The following PCDH9 variants were observed in gnomAD, a reference collection of about 807,000 sequenced individuals.
The protein encoded by PCDH9 is protocadherin-9.
In PCDH9, 24 loss-of-function variants were observed where a neutral mutation model predicts 70.6. That is an observed-to-expected ratio of 0.34 (90% CI 0.25 to 0.48). The LOEUF is 0.48. PCDH9 is among the 20% of genes least tolerant of loss of function. The probability of loss-of-function intolerance (pLI) is 0.99; values close to 1 mark genes in which losing one functional copy is unlikely to be tolerated. For synonymous variants in PCDH9, 562 were observed against 558.5 expected, an observed-to-expected ratio of 1.01 and a Z score of -0.09; for missense variants, 1,281 against 1,503.6, an observed-to-expected ratio of 0.85 and a Z score of 2.45.
chr13:66,366,373 T>C (rs891930349), intron 4 of PCDH9, among the ~76,000 whole-genome samples: 5 of 152,060 alleles, frequency 3.3e-5, no homozygotes, highest in Admixed American at 2.6e-4. Context: ...GTTCCTAAAA[T>C]TTATTGAGTA....
chr13:66,421,063 C>CAGA (rs1229396032), intron 4 of PCDH9, among the ~76,000 whole-genome samples: 1 of 150,340 alleles, frequency 6.7e-6, no homozygotes, highest in African/African-American at 2.5e-5. Context: ...ATCTATCAAG[C>CAGA]AGAAGAAAGA....
At chr13:67,085,935 A>C (rs2086098670) in intron 2 of PCDH9, among the ~76,000 whole-genome samples, 1 of 152,182 alleles carries the variant, frequency 6.6e-6, no homozygotes, top group Non-Finnish European at 1.5e-5. Flanking sequence ...TGAAAAACAA[A>C]AATTATTGAT....
At chr13:67,193,697 A>T (rs2088982438) in intron 2 of PCDH9, among the ~76,000 whole-genome samples, 1 of 152,064 alleles carries the variant, frequency 6.6e-6, no homozygotes, top group Admixed American at 6.6e-5. Flanking sequence ...GGAAGAGGGG[A>T]TCTTTACTTA....
chr13:67,082,466 A>G (rs2086005430), intron 2 of PCDH9, among the ~76,000 whole-genome samples: 1 of 152,198 alleles, frequency 6.6e-6, no homozygotes, highest in East Asian at 1.9e-4. Flanking sequence ...TGTAAGTGGC[A>G]CATTTCTTTA....
chr13:66,512,052 T>C (rs1271581503), intron 4 of PCDH9, among the ~76,000 whole-genome samples: 1 of 152,146 alleles, frequency 6.6e-6, no homozygotes, highest in East Asian at 1.9e-4. Context: ...ATGAAGTTAA[T>C]GAAGCTTAAC....
intron 2 of PCDH9, among the ~76,000 whole-genome samples, chr13:66,934,052 C>T (rs2082862906): frequency 6.6e-6 from 1 of 152,140 alleles, no homozygotes; most frequent in African/African-American, 2.4e-5. Flanking sequence ...CAAATACACT[C>T]ATCACACCTA....
At chr13:66,999,980 G>A (rs1214434839) in intron 2 of PCDH9, among the ~76,000 whole-genome samples, 1 of 152,088 alleles carries the variant, frequency 6.6e-6, no homozygotes, top group Non-Finnish European at 1.5e-5. Flanking sequence ...TCCCATTACT[G>A]GGTATATACC....
intron 2 of PCDH9, among the ~76,000 whole-genome samples, chr13:66,950,141 T>C (rs2083154965): frequency 6.6e-6 from 1 of 152,104 alleles, no homozygotes; most frequent in Non-Finnish European, 1.5e-5. Context: ...AAAGAATAAC[T>C]GTATTAAAGC....
chr13:66,849,509 T>TAGAG (rs71766427), intron 3 of PCDH9, among the ~76,000 whole-genome samples: 1,454 of 86,338 alleles, frequency 0.017, 30 homozygotes, highest in Middle Eastern at 0.024. Context: ...TATATATATA[T>TAGAG]ATATATATAG....
chr13:67,058,629 G>C (rs894719028), intron 2 of PCDH9, among the ~76,000 whole-genome samples: 1 of 152,094 alleles, frequency 6.6e-6, no homozygotes, highest in Non-Finnish European at 1.5e-5. Flanking sequence ...AAGATGGTGG[G>C]TAATCTTAAA....
At chr13:66,807,565 C>G (rs1240870315) in intron 3 of PCDH9, among the ~76,000 whole-genome samples, 2 of 152,080 alleles carry the variant, frequency 1.3e-5, no homozygotes, top group South Asian at 2.1e-4. Context: ...ATGGGAATAA[C>G]TACTGTTTTA....
intron 4 of PCDH9, among the ~76,000 whole-genome samples, chr13:66,520,206 T>C (rs1959926784): frequency 6.6e-6 from 1 of 152,192 alleles, no homozygotes; most frequent in Non-Finnish European, 1.5e-5. Context: ...AAACTGATAG[T>C]ACTATGGTAA....
intron 2 of PCDH9, among the ~76,000 whole-genome samples, chr13:67,175,856 G>A (rs2088436632): frequency 6.6e-6 from 1 of 151,772 alleles, no homozygotes; most frequent in African/African-American, 2.4e-5. Context: ...TTAGATTTTA[G>A]AGATGCACCA....
intron 2 of PCDH9, among the ~76,000 whole-genome samples, chr13:67,107,722 T>G (rs2086576230): frequency 6.6e-6 from 1 of 152,158 alleles, no homozygotes; most frequent in Non-Finnish European, 1.5e-5. Context: ...AGACCTGAAC[T>G]GAGACCTGCC....
chr13:66,871,536 T>C (rs2081686186), intron 3 of PCDH9, among the ~76,000 whole-genome samples: 1 of 152,134 alleles, frequency 6.6e-6, no homozygotes. Context: ...CATGATGGTC[T>C]ACCGTAGTTA....
chr13:66,519,446 T>C (rs1959890133), intron 4 of PCDH9, among the ~76,000 whole-genome samples: 2 of 152,118 alleles, frequency 1.3e-5, no homozygotes, highest in South Asian at 2.1e-4. Flanking sequence ...AGACGAGCAC[T>C]CTTTATAATC....
intron 4 of PCDH9, among the ~76,000 whole-genome samples, chr13:66,544,260 T>G (rs1961086472): frequency 6.6e-6 from 1 of 152,154 alleles, no homozygotes; most frequent in South Asian, 2.1e-4. Context: ...TAATGAACCT[T>G]TACCTGTTTC....
chr13:66,766,185 T>C (rs546114076), intron 3 of PCDH9, among the ~76,000 whole-genome samples: 5 of 152,094 alleles, frequency 3.3e-5, no homozygotes, highest in South Asian at 2.1e-4. Context: ...ATAAGCCAGA[T>C]ACAAGTAGCT....
At chr13:66,436,218 A>G (rs549954280) in intron 4 of PCDH9, among the ~76,000 whole-genome samples, 3 of 152,162 alleles carry the variant, frequency 2.0e-5, no homozygotes, top group Non-Finnish European at 2.9e-5. Flanking sequence ...TGATAAAGTC[A>G]TAAGGGCTTC....
Sources: gnomAD v4.1 joint callset for allele counts (sites outside exome capture counted in the v4.1 genomes callset) on GRCh38, gnomAD v4.1.1 for gene constraint, MANE v1.5 for transcripts, NCBI Gene and HGNC (gene_info 2026-07-23, HGNC 2026-07-21) for gene names.